The following FBLN1 variants were observed in gnomAD, a reference collection of about 807,000 sequenced individuals.
FBLN1 encodes the protein fibulin 1, also known as fibulin-1.
Under a neutral mutation model 89.7 loss-of-function variants are expected in FBLN1, and 34 were observed. The observed-to-expected ratio is 0.38, with a 90% CI of 0.29 to 0.50. The LOEUF is 0.50. Ranked by LOEUF, FBLN1 falls within the 20% of genes least tolerant of loss-of-function variation. The pLI, the probability that FBLN1 is intolerant of heterozygous loss-of-function variation, is 0.92. For synonymous variants in FBLN1, 393 were observed against 391.3 expected (o/e 1.00, Z -0.05); for missense variants, 777 against 988.1 (o/e 0.79, Z 2.86).
At chr22:45,586,239 G>A (rs776599093) in intron 16 of FBLN1, among the ~76,000 whole-genome samples, 9 of 152,158 alleles carry the variant, frequency 5.9e-5, no homozygotes, top group Non-Finnish European at 1.3e-4. Flanking sequence ...CTGCACACCC[G>A]AGATTGGTTT....
chr22:45,585,119 G>C (rs1172614455), intron 16 of FBLN1, among the ~76,000 whole-genome samples: 2 of 152,250 alleles, frequency 1.3e-5, no homozygotes, highest in Non-Finnish European at 2.9e-5. Flanking sequence ...CTGAGAGAGA[G>C]AGAGAAGTGG....
At chr22:45,516,944 G>A (rs983758294) in intron 1 of FBLN1, among the ~76,000 whole-genome samples, 2 of 152,230 alleles carry the variant, frequency 1.3e-5, no homozygotes, top group Non-Finnish European at 2.9e-5. Context: ...TTCGTGCACT[G>A]ACCTTATCCA....
At chr22:45,506,349 C>T (rs570244409) in intron 1 of FBLN1, among the ~76,000 whole-genome samples, 8 of 152,252 alleles carry the variant, frequency 5.3e-5, no homozygotes, top group Non-Finnish European at 8.8e-5. Context: ...GTGCCAAACC[C>T]GTGTCAGGAA....
chr22:45,553,741 G>A (rs1294857085), intron 14 of FBLN1, among the ~76,000 whole-genome samples: 1 of 152,198 alleles, frequency 6.6e-6, no homozygotes, highest in Non-Finnish European at 1.5e-5. Context: ...ACTGTGTGGG[G>A]TCGGAGGGGG....
chr22:45,541,130 CAA>C, intron 8 of FBLN1, 97 bp from the exon 9 acceptor site: 6 of 1,512,310 alleles, frequency 4.0e-6, no homozygotes, highest in Non-Finnish European at 2.8e-6. Flanking sequence ...TGTGGTTTTG[CAA>C]AGAGGTGGGA....
At position 45,590,574 on chromosome 22, in the gene FBLN1, T is replaced by C. The variant is rs1417434370; in HGVS notation, c.1973-9733T>C. Among the ~76,000 whole-genome samples the C allele has an allele frequency of 1.3e-5, 2 of 151,674 alleles. No individual in the cohort carries two copies. Among genetic ancestry groups the C allele is most frequent in the Non-Finnish European group, 2.9e-5 (2 of 67,924 alleles). The stretch of plus-strand genomic sequence containing the variant: ...ATTTACCTCCTGGCTCTGAGCACAG[T>C]GGGAAGAGGCATGGGAGGGGTGAAA... On this transcript the variant is annotated intron_variant, in intron 16 of 16. Coordinates refer to ENST00000327858, the MANE Select transcript of FBLN1 (RefSeq NM_006486.3). The surrounding 1 kb of genome is among the most constrained non-coding windows in gnomAD (Gnocchi z 4.1).
chr22:45,570,155 A>G (rs531591685), intron 14 of FBLN1, among the ~76,000 whole-genome samples: 1 of 151,836 alleles, frequency 6.6e-6, no homozygotes, highest in East Asian at 1.9e-4. Flanking sequence ...CCCCATCTCT[A>G]CTAAAAATAC....
chr22:45,553,869 C>G (rs748008693), intron 14 of FBLN1, among the ~76,000 whole-genome samples: 15 of 152,190 alleles, frequency 9.9e-5, no homozygotes, highest in Non-Finnish European at 1.6e-4. Context: ...CAAATTCCAT[C>G]CCTGGTTAGT....
rs765777327 is a variant in FBLN1, at chr22:45,550,499, T to C, written c.1581T>C (p.Asp527=). The C allele has an allele frequency of 7.4e-6, 12 of 1,613,928 alleles. No homozygotes were observed. The African/African-American group carries it at 1.2e-4, about 16-fold the overall frequency. Residue 527 remains aspartate (D), a synonymous_variant, in exon 14 of 17, where the codon GAT becomes GAC. Coordinates refer to ENST00000327858, the MANE Select transcript of FBLN1 (RefSeq NM_006486.3). This position sits in a 1 kb window ranked among gnomAD's most constrained non-coding sequence, Gnocchi z 8.4. ...CTGTGGGGTCTCTTGCAGACATTGA[T>C]GAGTGTGTGACTGGCATCCACAACT... The part of the protein sequence containing the change: ...APNGRNCQDI[D]ECVTGIHNCS...
At chr22:45,520,215 C>T (rs537977381) in intron 2 of FBLN1, among the ~76,000 whole-genome samples, 1 of 152,296 alleles carries the variant, frequency 6.6e-6, no homozygotes, top group African/African-American at 2.4e-5. Flanking sequence ...GAAATCAGCA[C>T]CACAAAGCCA....
chr22:45,546,721 G>A (rs138115374), intron 11 of FBLN1, among the ~76,000 whole-genome samples: 162 of 152,278 alleles, frequency 1.1e-3, no homozygotes, highest in African/African-American at 3.6e-3. Context: ...CTTGTGTGCC[G>A]TCATCTGTTT....
rs1602187285 is a variant in FBLN1, at chr22:45,537,485, G to A, written c.922+2148G>A. On this transcript the variant is annotated intron_variant, in intron 8 of 16. Transcript: ENST00000327858. The surrounding 1 kb of genome is among the most constrained non-coding windows in gnomAD (Gnocchi z 5.7). Reference sequence around the variant, plus strand: ...AATACAAAAATTAGCCGGGTGTGGTGGTGGGCACCTTGTAATCCCAGCTAC... The same window carrying A: ...AATACAAAAATTAGCCGGGTGTGGTAGTGGGCACCTTGTAATCCCAGCTAC... Among the ~76,000 whole-genome samples, 1 of 152,090 alleles carries A rather than the reference G, an allele frequency of 6.6e-6. No individual in the cohort carries two copies. The highest frequency in any genetic ancestry group is 1.5e-5 in the Non-Finnish European group (1 of 68,006).
chr22:45,579,167 G>A lies in FBLN1; in HGVS notation c.1972+2059G>A, dbSNP rs1449096076. Among the ~76,000 whole-genome samples the A allele has an allele frequency of 6.6e-6, 1 of 152,240 alleles. No homozygotes were observed. The highest frequency in any genetic ancestry group is 2.4e-5 in the African/African-American group (1 of 41,474). On this transcript the variant is annotated intron_variant, in intron 16 of 16. Coordinates refer to ENST00000327858, the MANE Select transcript of FBLN1 (RefSeq NM_006486.3). This position sits in a 1 kb window ranked among gnomAD's most constrained non-coding sequence, Gnocchi z 5.5. ...CCAGCGCCTTTCTCTGGCTGCATCT[G>A]CTCCAGACAGAACCAACCTGGGAGT...
chr22:45,523,406 A>G (rs1260107214), intron 2 of FBLN1, among the ~76,000 whole-genome samples: 1 of 152,172 alleles, frequency 6.6e-6, no homozygotes, highest in Non-Finnish European at 1.5e-5. Context: ...GATGTTGTAA[A>G]TAATATTGCT....
intron 1 of FBLN1, chr22:45,503,492 TAG>T (rs1469715666): frequency 6.5e-6 from 1 of 153,300 alleles, no homozygotes; most frequent in East Asian, 1.9e-4. Flanking sequence ...CACCCCCAGG[TAG>T]GAGCTGTTGT....
rs2088403536 is a variant in FBLN1, at chr22:45,531,313, A to G, written c.533A>G (p.Asp178Gly). ...GAACAAGAGGACCCATATCTGAATG[A>G]CCGCTGCCGAGGTGAGACTCGGGCG... Reference protein sequence around the residue: ...EEEQEDPYLNDRCRGGGPCKQ... With the variant: ...EEEQEDPYLNGRCRGGGPCKQ... The change falls in exon 5 of 17, where the codon GAC becomes GGC. Residue 178 changes from aspartate (D) to glycine (G), a missense_variant. Asp to Gly is a moderately conservative substitution (Grantham distance 94). Transcript: ENST00000327858. The surrounding 1 kb of genome is among the most constrained non-coding windows in gnomAD (Gnocchi z 4.9). The G allele has an allele frequency of 6.2e-7, 1 of 1,613,910 alleles. No individual in the cohort carries two copies. Among genetic ancestry groups the G allele is most frequent in the South Asian group, 1.1e-5 (1 of 91,068 alleles).
chr22:45,547,386 GTTTTTTTTTTTT>G (rs5845717), intron 12 of FBLN1, among the ~76,000 whole-genome samples, 182 bp downstream of exon 12: 1 of 53,674 alleles, frequency 1.9e-5, no homozygotes, highest in African/African-American at 6.4e-5. Flanking sequence ...TCCAACTGAG[GTTTTTTTTTTTT>G]TTTTTTTTTT....
At position 45,575,318 on chromosome 22, in the gene FBLN1, G is replaced by T. The variant is rs144438279; in HGVS notation, c.1840+665G>T. ...GTGGTGAGGTATTTGAGTGAAAGGGGGAGAAGGGGAGGAGGGTGCCCAGTG... is the reference window on the plus strand; with the variant it reads ...GTGGTGAGGTATTTGAGTGAAAGGGTGAGAAGGGGAGGAGGGTGCCCAGTG... On this transcript the variant is annotated intron_variant, in intron 15 of 16. Coordinates refer to ENST00000327858, the MANE Select transcript of FBLN1 (RefSeq NM_006486.3). The surrounding 1 kb of genome is among the most constrained non-coding windows in gnomAD (Gnocchi z 6.3). Among the ~76,000 whole-genome samples, 166 of 152,284 alleles carry T rather than the reference G, an allele frequency of 1.1e-3. No individual in the cohort carries two copies. The highest frequency in any genetic ancestry group is 3.9e-3 in the African/African-American group (160 of 41,550).
chr22:45,574,232 G>A lies in FBLN1; in HGVS notation c.1698-279G>A, dbSNP rs545693692. 5.3e-5 allele frequency among the ~76,000 whole-genome samples: 8 copies of A among 152,306 alleles called. No individual in the cohort carries two copies. In the East Asian group the frequency reaches 1.2e-3, roughly 22 times the overall value. On this transcript the variant is annotated intron_variant, in intron 14 of 16. Transcript: ENST00000327858. The surrounding 1 kb of genome is among the most constrained non-coding windows in gnomAD (Gnocchi z 4.1). ...CATTGTAGCTATTGATGCTCAATTC[G>A]TGCAGTTGACAAATGTCCAAGCTGT...
Sources: gnomAD v4.1 joint callset for allele counts (sites outside exome capture counted in the v4.1 genomes callset) on GRCh38, gnomAD v4.1.1 for gene constraint, Gnocchi (gnomAD v3.1) non-coding constraint, MANE v1.5 for transcripts, NCBI Gene and HGNC (gene_info 2026-07-23, HGNC 2026-07-21) for gene names.